The following DISC1 variants were observed in gnomAD, a reference collection of about 807,000 sequenced individuals.
DISC1 encodes disrupted in schizophrenia 1 protein.
A neutral mutation model predicts 84.5 loss-of-function variants in DISC1; 57 were observed. The ratio of observed to expected loss-of-function variants is 0.67; its 90% CI spans 0.55 to 0.84. DISC1 has a LOEUF of 0.84. Among genes scored for constraint, DISC1 ranks in the 40% least tolerant of loss-of-function variants. The pLI is 0.00. For synonymous variants in DISC1, 411 were observed against 415.2 expected, an observed-to-expected ratio of 0.99 and a Z score of 0.12; for missense variants, 1,000 against 1,057.8, an observed-to-expected ratio of 0.95 and a Z score of 0.76.
intron 9 of DISC1, among the ~76,000 whole-genome samples, chr1:231,872,270 C>A (rs1304311647): frequency 6.6e-6 from 1 of 151,926 alleles, no homozygotes; most frequent in Non-Finnish European, 1.5e-5. Flanking sequence ...TTTTTTTAAT[C>A]TCCCATCTTA....
chr1:231,997,230 C>A (rs1666071323), intron 10 of DISC1, among the ~76,000 whole-genome samples: 1 of 152,134 alleles, frequency 6.6e-6, no homozygotes, highest in African/African-American at 2.4e-5. Context: ...CATCAAATAG[C>A]AAATAGACAC....
chr1:231,646,958 T>G (rs889510042), intron 1 of DISC1, among the ~76,000 whole-genome samples: 1 of 152,234 alleles, frequency 6.6e-6, no homozygotes, highest in African/African-American at 2.4e-5. Flanking sequence ...AGATTCTGGA[T>G]ATTAGCCCTT....
intron 2 of DISC1, among the ~76,000 whole-genome samples, chr1:231,701,643 AT>A (rs889077002): frequency 6.6e-5 from 10 of 152,190 alleles, no homozygotes; most frequent in Non-Finnish European, 1.0e-4. Context: ...TGGTCAGGAA[AT>A]TTGTATTCCT....
In DISC1 at chr1:232,040,791, C is replaced by T. The variant is rs1670751805; in HGVS notation, c.*3960C>T. 1 of 152,186 alleles carries T rather than the reference C, an allele frequency of 6.6e-6. No individual in the cohort carries two copies. The highest frequency in any genetic ancestry group is 2.4e-5 in the African/African-American group (1 of 41,446). 9.4% of individuals were successfully genotyped at this position (152,186 alleles called of 1,614,324 possible). A position where few individuals can be genotyped will look rare whatever the true frequency, so the allele number is the denominator to read the frequency against. On this transcript the variant is annotated 3_prime_UTR_variant, in exon 13 of 13. Transcript: ENST00000439617. ...GGGGAGCCTCACTGTGAAGTCTAGGCTCAGACAGGCATCAACAAACCTATT... is the reference window on the plus strand; with the variant it reads ...GGGGAGCCTCACTGTGAAGTCTAGGTTCAGACAGGCATCAACAAACCTATT...
intron 3 of DISC1, chr1:231,722,684 G>A: frequency 6.2e-7 from 1 of 1,601,472 alleles, no homozygotes; most frequent in Non-Finnish European, 8.5e-7. Flanking sequence ...ATCATGAAAA[G>A]AAAAAGAGGA....
chr1:232,010,122 C>G (rs1667898116), intron 11 of DISC1, among the ~76,000 whole-genome samples: 1 of 152,182 alleles, frequency 6.6e-6, no homozygotes, highest in South Asian at 2.1e-4. Flanking sequence ...TATAAGAAAG[C>G]AACCACTGTC....
chr1:231,793,692 T>G (rs2078524886), intron 6 of DISC1, among the ~76,000 whole-genome samples: 1 of 152,172 alleles, frequency 6.6e-6, no homozygotes, highest in Non-Finnish European at 1.5e-5. Flanking sequence ...CAAAAACACT[T>G]CTTTCATATT....
chr1:231,758,890 T>C (rs2075382580), intron 4 of DISC1, among the ~76,000 whole-genome samples: 1 of 152,234 alleles, frequency 6.6e-6, no homozygotes, highest in African/African-American at 2.4e-5. Flanking sequence ...GTCCTATTTG[T>C]AACCGAAATT....
chr1:231,930,300 G>A (rs1179704482), intron 9 of DISC1, among the ~76,000 whole-genome samples: 3 of 152,126 alleles, frequency 2.0e-5, no homozygotes, highest in Non-Finnish European at 4.4e-5. Context: ...AGGGTAGCCC[G>A]ATGCAGTGGG....
chr1:231,993,091 A>G (rs1665441002), intron 10 of DISC1, among the ~76,000 whole-genome samples: 2 of 152,176 alleles, frequency 1.3e-5, no homozygotes, highest in South Asian at 4.1e-4. Flanking sequence ...AGAATTTTAT[A>G]TTAAAGTGAC....
chr1:231,663,593 T>C (rs531359839), intron 1 of DISC1, among the ~76,000 whole-genome samples: 1 of 152,336 alleles, frequency 6.6e-6, no homozygotes, highest in Admixed American at 6.5e-5. Flanking sequence ...CTGCCTGAAA[T>C]CTGATGCTTT....
chr1:231,820,433 A>G (rs1215391504), intron 9 of DISC1, among the ~76,000 whole-genome samples: 1 of 152,230 alleles, frequency 6.6e-6, no homozygotes, highest in African/African-American at 2.4e-5. Flanking sequence ...ATATGCATGC[A>G]TGTACCATGA....
chr1:231,696,253 C>T (rs1332376806), intron 2 of DISC1, among the ~76,000 whole-genome samples: 1 of 152,172 alleles, frequency 6.6e-6, no homozygotes, highest in Non-Finnish European at 1.5e-5. Context: ...CTGGGTTTTG[C>T]AAGAGGGTCT....
intron 9 of DISC1, among the ~76,000 whole-genome samples, chr1:231,917,068 GA>G (rs1326501902): frequency 1.3e-5 from 2 of 152,150 alleles, no homozygotes; most frequent in South Asian, 2.1e-4. Context: ...AATGGAAATG[GA>G]AAATTTGTAA....
intron 3 of DISC1, among the ~76,000 whole-genome samples, chr1:231,726,273 G>T (rs535977793): frequency 1.3e-5 from 2 of 152,340 alleles, no homozygotes; most frequent in African/African-American, 4.8e-5. Context: ...TGTGGCTTGG[G>T]TATATGGCAA....
At chr1:231,695,626 C>CGT (rs74987968) in intron 2 of DISC1, among the ~76,000 whole-genome samples, 3 of 150,700 alleles carry the variant, frequency 2.0e-5, no homozygotes, top group African/African-American at 7.3e-5. Flanking sequence ...CCTGTGTGTG[C>CGT]GTGTGTGTGT....
intron 11 of DISC1, among the ~76,000 whole-genome samples, chr1:232,011,739 AAG>A (rs1213295254): frequency 6.6e-6 from 1 of 152,212 alleles, no homozygotes; most frequent in Non-Finnish European, 1.5e-5. Flanking sequence ...TTACATCAGA[AAG>A]AGTGAATTTT....
At chr1:231,830,469 A>T (rs186897102) in intron 9 of DISC1, among the ~76,000 whole-genome samples, 1 of 152,332 alleles carries the variant, frequency 6.6e-6, no homozygotes, top group South Asian at 2.1e-4. Context: ...TAGTCCTGCC[A>T]GCAAAGATTA....
chr1:231,845,467 C>T (rs548413513), intron 9 of DISC1, among the ~76,000 whole-genome samples: 2 of 152,160 alleles, frequency 1.3e-5, no homozygotes, highest in South Asian at 2.1e-4. Context: ...AGACCTGGCA[C>T]GGGGAACACA....
Sources: gnomAD v4.1 joint callset for allele counts (sites outside exome capture counted in the v4.1 genomes callset) on GRCh38, gnomAD v4.1.1 for gene constraint, MANE v1.5 for transcripts, NCBI Gene and HGNC (gene_info 2026-07-23, HGNC 2026-07-21) for gene names.